The following MIF4GD variants were observed in gnomAD, a reference collection of about 807,000 sequenced individuals.
MIF4GD encodes MIF4G domain-containing protein.
A neutral mutation model predicts 26.7 loss-of-function variants in MIF4GD; 22 were observed. The ratio of observed to expected loss-of-function variants is 0.82; its 90% CI spans 0.59 to 1.18. MIF4GD has a LOEUF of 1.18. Among genes scored for constraint, MIF4GD ranks in the 50% most tolerant of loss-of-function variants. MIF4GD has a pLI of 0.00. For missense variants in MIF4GD, 262 were observed against 279.6 expected (o/e 0.94, Z 0.45); for synonymous variants, 137 against 111.6 (o/e 1.23, Z -1.43).
rs1386596164 is a variant in MIF4GD at position 75,266,827 on chromosome 17, C to T, written c.582G>A (p.Leu194=). Residue 194 remains leucine (L), a synonymous_variant, in exon 6 of 6, where the codon CTG becomes CTA. Transcript: ENST00000325102. Reference sequence around the variant, plus strand: ...CCCGGAACTCAATGATCTCCAGCAGCAGCAGCTGGGCCAGGGAGCTGAGGC... The same window carrying T: ...CCCGGAACTCAATGATCTCCAGCAGTAGCAGCTGGGCCAGGGAGCTGAGGC... ...PTGLSSLAQL[L]LLEIIEFRAA... 9 of 1,614,102 alleles carry T rather than the reference C, an allele frequency of 5.6e-6. No individual in the cohort carries two copies. In the African/African-American group the frequency reaches 6.7e-5, roughly 12 times the overall value.
intron 2 of MIF4GD, among the ~76,000 whole-genome samples, chr17:75,269,764 G>A (rs1327361846): frequency 1.5e-5 from 1 of 68,192 alleles, no homozygotes; most frequent in Non-Finnish European, 3.7e-5. Context: ...TTTTTGTAGA[G>A]ATGGGGTTTA....
rs1006946567 is a variant in MIF4GD at position 75,267,813 on chromosome 17, C to T, written c.281G>A (p.Arg94Gln). Residue 94 changes from arginine (R) to glutamine (Q), a missense_variant, in exon 4 of 6, where the codon CGA becomes CAA. Transcript: ENST00000325102. ...QQEYQAREQL[R>Q]ARSLQGWVCY... ...GACCCAGCCCTGCAGGGAGCGTGCTCGCAGCTGCTCCCGAGCCTGGTACTC... is the reference window on the plus strand; with the variant it reads ...GACCCAGCCCTGCAGGGAGCGTGCTTGCAGCTGCTCCCGAGCCTGGTACTC... 15 of 1,613,920 alleles carry T rather than the reference C, an allele frequency of 9.3e-6. No individual in the cohort carries two copies. Among genetic ancestry groups the T allele is most frequent in the African/African-American group, 1.3e-5 (1 of 74,940 alleles).
chr17:75,267,969 C>T, intron 3 of MIF4GD, 68 bp from the exon 4 acceptor site: 1 of 1,560,414 alleles, frequency 6.4e-7, no homozygotes, highest in South Asian at 1.2e-5. Context: ...CATCCTATGC[C>T]TCTCTCTCTC....
At chr17:75,269,609 G>A in intron 2 of MIF4GD, 1 of 868,126 alleles carries the variant, frequency 1.2e-6, no homozygotes, top group Non-Finnish European at 1.7e-6. Flanking sequence ...AGCCAGGCTG[G>A]AGTGCAGTGG....
rs749267112 is a variant in MIF4GD, at chr17:75,266,904, G to A, written c.505C>T (p.Arg169Cys). The A allele has an allele frequency of 6.2e-6, 10 of 1,614,060 alleles. No homozygotes were observed. The highest frequency in any genetic ancestry group is 3.3e-4 in the Middle Eastern group (2 of 6,084). Residue 169 changes from arginine (R) to cysteine (C), a missense_variant, in exon 6 of 6, where the codon CGC becomes TGC. By Grantham distance (180) the Arg-to-Cys change is radical. Transcript: ENST00000325102. ...GEQLEKMNGQ[R>C]MDELFVLIRD... ...ATCAGCACAAAGAGCTCATCCATGCGCTGCCCATTCATTTTCTCCAGCTGC... is the reference window on the plus strand; with the variant it reads ...ATCAGCACAAAGAGCTCATCCATGCACTGCCCATTCATTTTCTCCAGCTGC...
In MIF4GD at chr17:75,266,890, G is replaced by C; in HGVS notation, c.519C>G (p.Leu173=). ...EKMNGQRMDE[L]FVLIRDGFLL... ...GGAAGCCATCCCGGATCAGCACAAAGAGCTCATCCATGCGCTGCCCATTCA... is the reference window on the plus strand; with the variant it reads ...GGAAGCCATCCCGGATCAGCACAAACAGCTCATCCATGCGCTGCCCATTCA... Residue 173 remains leucine (L), a synonymous_variant, in exon 6 of 6, where the codon CTC becomes CTG. Coordinates refer to ENST00000325102, the MANE Select transcript of MIF4GD (RefSeq NM_001370592.1). 6.2e-7 allele frequency: 1 copy of C among 1,614,186 alleles called. No homozygotes were observed.
rs1464942146 is a variant in MIF4GD at position 75,267,830 on chromosome 17, C to A, written c.264G>T (p.Gln88His). 4 of 1,613,984 alleles carry A rather than the reference C, an allele frequency of 2.5e-6. No individual in the cohort carries two copies. The highest frequency in any genetic ancestry group is 3.4e-6 in the Non-Finnish European group (4 of 1,180,034). The change falls in exon 4 of 6, where the codon CAG (glutamine) becomes CAT (histidine). Residue 88 changes from glutamine (Q) to histidine (H), a missense_variant. Transcript: ENST00000325102. ...AGCGTGCTCGCAGCTGCTCCCGAGC[C>A]TGGTACTCCTGCTGCAGCCGGTTGA... Reference protein sequence around the residue: ...GLLNRLQQEYQAREQLRARSL... With the variant: ...GLLNRLQQEYHAREQLRARSL...
At position 75,266,346 on chromosome 17, in the gene MIF4GD, C is replaced by A. The variant is rs1281565313; in HGVS notation, c.*394G>T. On this transcript the variant is annotated 3_prime_UTR_variant, in exon 6 of 6. Coordinates refer to ENST00000325102, the MANE Select transcript of MIF4GD (RefSeq NM_001370592.1). Reference sequence around the variant, plus strand: ...GCTTGTTTCCAGAGTTGTCCTTATACAAAATGTATAAAAAGCAGTTTCTGG... The same window carrying A: ...GCTTGTTTCCAGAGTTGTCCTTATAAAAAATGTATAAAAAGCAGTTTCTGG... The A allele has an allele frequency of 1.4e-5, 5 of 361,166 alleles. No individual in the cohort carries two copies. The highest frequency in any genetic ancestry group is 2.1e-5 in the Non-Finnish European group (4 of 192,426). The allele number at this position is 361,166 out of a possible 1,614,324, so 22.4% of individuals were successfully genotyped here. A position where few individuals can be genotyped will look rare whatever the true frequency, so the allele number is the denominator to read the frequency against.
At position 75,266,533 on chromosome 17, in the gene MIF4GD, CGTG is replaced by C. The variant is rs1308369706; in HGVS notation, c.*204_*206del. The C allele has an allele frequency of 3.8e-5, 23 of 603,138 alleles. No homozygotes were observed. The highest frequency in any genetic ancestry group is 5.9e-6 in the Non-Finnish European group (2 of 339,244). The allele number at this position is 603,138 out of a possible 1,614,324, so 37.4% of individuals were successfully genotyped here. Reference sequence around the variant, plus strand: ...TGGGAGTTGCCCTTCTCTGCCTGGCCGTGGTGGGTTGTGGTGGGGAAAGGGGCT... The same window carrying C: ...TGGGAGTTGCCCTTCTCTGCCTGGCCGTGGGTTGTGGTGGGGAAAGGGGCT... On this transcript the variant is annotated 3_prime_UTR_variant, in exon 6 of 6. Transcript: ENST00000325102.
chr17:75,266,824 C>T lies in MIF4GD; in HGVS notation c.585G>A (p.Leu195=), dbSNP rs567359960. The change falls in exon 6 of 6, where the codon CTG becomes CTA. Residue 195 remains leucine (L), a synonymous_variant. Coordinates refer to ENST00000325102, the MANE Select transcript of MIF4GD (RefSeq NM_001370592.1). ...CCGCCCGGAACTCAATGATCTCCAG[C>T]AGCAGCAGCTGGGCCAGGGAGCTGA... ...TGLSSLAQLL[L]LEIIEFRAAG... 45 of 1,614,118 alleles carry T rather than the reference C, an allele frequency of 2.8e-5. No individual in the cohort carries two copies. Among genetic ancestry groups the T allele is most frequent in the Non-Finnish European group, 3.6e-5 (43 of 1,180,056 alleles).
chr17:75,267,527 G>A lies in MIF4GD; in HGVS notation c.441+11C>T. ...GCCTTCTGTGCTTGTGCCAGGGCTG[G>A]GGCCACCCACCTCCTCCTCCTTGCT... On this transcript the variant is annotated intron_variant, in intron 5 of 5. Coordinates refer to ENST00000325102, the MANE Select transcript of MIF4GD (RefSeq NM_001370592.1). 1 of 1,613,852 alleles carries A rather than the reference G, an allele frequency of 6.2e-7. No individual in the cohort carries two copies. Among genetic ancestry groups the A allele is most frequent in the Non-Finnish European group, 8.5e-7 (1 of 1,179,872 alleles).
At position 75,267,887 on chromosome 17, in the gene MIF4GD, T is replaced by C. The variant is rs145256099; in HGVS notation, c.207A>G (p.Gln69=). 5.3e-5 allele frequency: 86 copies of C among 1,612,532 alleles called. No individual in the cohort carries two copies. The highest frequency in any genetic ancestry group is 6.9e-5 in the Non-Finnish European group (81 of 1,179,518). The change falls in exon 4 of 6, where the codon CAA becomes CAG. Residue 69 remains glutamine (Q), a synonymous_variant. Coordinates refer to ENST00000325102, the MANE Select transcript of MIF4GD (RefSeq NM_001370592.1). ...CYAIIQAESK[Q]AGQSVFRRGL... is the part of the protein sequence containing the mutation. Reference sequence around the variant, plus strand: ...CACGTCGGAAGACACTCTGGCCTGCTTGTTTACTCTCTGCCTGTGAGCCAG... The same window carrying C: ...CACGTCGGAAGACACTCTGGCCTGCCTGTTTACTCTCTGCCTGTGAGCCAG...
Position 75,266,785 on chromosome 17 carries a change from T to C in MIF4GD, c.624A>G (p.Thr208=), listed in dbSNP as rs2145647344. 6.2e-7 allele frequency: 1 copy of C among 1,614,196 alleles called. No homozygotes were observed. The highest frequency in any genetic ancestry group is 8.5e-7 in the Non-Finnish European group (1 of 1,180,020). Residue 208 remains threonine (T), a synonymous_variant, in exon 6 of 6, where the codon ACA becomes ACG. Coordinates refer to ENST00000325102, the MANE Select transcript of MIF4GD (RefSeq NM_001370592.1). ...IIEFRAAGWK[T]TPAAHKYYYS... The stretch of plus-strand genomic sequence containing the variant: ...AGTAATACTTGTGGGCAGCTGGCGT[T>C]GTCTTCCAGCCGGCCGCCCGGAACT...
At position 75,266,233 on chromosome 17, in the gene MIF4GD, G is replaced by A. The variant is rs1053771359; in HGVS notation, c.*507C>T. 1.0e-4 allele frequency: 44 copies of A among 425,614 alleles called. No individual in the cohort carries two copies. Among genetic ancestry groups the A allele is most frequent in the African/African-American group, 2.2e-4 (11 of 50,060 alleles). The allele number at this position is 425,614 out of a possible 1,614,324, so 26.4% of individuals were successfully genotyped here. On this transcript the variant is annotated 3_prime_UTR_variant, in exon 6 of 6. Transcript: ENST00000325102. The stretch of plus-strand genomic sequence containing the variant: ...TGGATATATAAAGGAAGCAGTTTTA[G>A]TATCAGAAAAGATTTATTAGAAAAT...
intron 2 of MIF4GD, 65 bp from the exon 3 acceptor site, chr17:75,268,257 C>G (rs995614430): frequency 7.9e-7 from 1 of 1,269,002 alleles, no homozygotes; most frequent in Middle Eastern, 1.8e-4. Flanking sequence ...CCACCCGCTT[C>G]TAAGAATTTG....
At chr17:75,267,690 C>G in intron 4 of MIF4GD, 56 bp downstream of exon 4, 1 of 1,612,746 alleles carries the variant, frequency 6.2e-7, no homozygotes, top group Non-Finnish European at 8.5e-7. Flanking sequence ...GCAGTCCAAC[C>G]TGGGCCTCAG....
intron 2 of MIF4GD, among the ~76,000 whole-genome samples, chr17:75,269,739 TTC>T (rs1491485840): frequency 0.041 from 3,617 of 88,142 alleles, 303 homozygotes; most frequent in African/African-American, 0.11. Flanking sequence ...TTTCTTTTCT[TTC>T]TTTTTTTTTT....
At chr17:75,269,424 C>T (rs1396176064) in intron 2 of MIF4GD, 1 of 1,613,994 alleles carries the variant, frequency 6.2e-7, no homozygotes, top group Non-Finnish European at 8.5e-7. Flanking sequence ...GGAATATTCT[C>T]CATCTTCTGT....
Position 75,270,485 on chromosome 17 carries a change from C to CT in MIF4GD, c.-50-241dup, listed in dbSNP as rs1349559167. ...TGTGGGATTACACAAGAGCGAGAAGCTGAAGCAGGAAAGCGCCCACCCTCC... is the reference window on the plus strand; with the variant it reads ...TGTGGGATTACACAAGAGCGAGAAGCTTGAAGCAGGAAAGCGCCCACCCTCC... On this transcript the variant is annotated intron_variant, in intron 1 of 5. Transcript: ENST00000325102. The surrounding 1 kb of genome is among the most constrained non-coding windows in gnomAD (Gnocchi z 5.7). The CT allele has an allele frequency of 5.5e-6, 2 of 364,842 alleles. No individual in the cohort carries two copies. Among genetic ancestry groups the CT allele is most frequent in the Non-Finnish European group, 1.0e-5 (2 of 194,918 alleles). The allele number at this position is 364,842 out of a possible 1,614,324, so 22.6% of individuals were successfully genotyped here. A position where few individuals can be genotyped will look rare whatever the true frequency, so the allele number is the denominator to read the frequency against.
Sources: gnomAD v4.1 joint callset for allele counts (sites outside exome capture counted in the v4.1 genomes callset) on GRCh38, gnomAD v4.1.1 for gene constraint, Gnocchi (gnomAD v3.1) non-coding constraint, MANE v1.5 for transcripts, NCBI Gene and HGNC (gene_info 2026-07-23, HGNC 2026-07-21) for gene names.